The following ACTN2 variants were observed in gnomAD, a reference collection of about 807,000 sequenced individuals.
ACTN2 encodes alpha-actinin-2.
Under a neutral mutation model 113.8 loss-of-function variants are expected in ACTN2, and 39 were observed. The ratio of observed to expected loss-of-function variants is 0.34; its 90% CI spans 0.27 to 0.45. The LOEUF is 0.45. Ranked by LOEUF, ACTN2 falls within the 20% of genes least tolerant of loss-of-function variation. The probability of loss-of-function intolerance (pLI) is 1.00; values close to 1 mark genes in which losing one functional copy is unlikely to be tolerated. For missense variants in ACTN2, 992 were observed against 1,177.9 expected (o/e 0.84, Z 2.31); for synonymous variants, 429 against 444.1 (o/e 0.97, Z 0.43).
In ACTN2 at chr1:236,762,573, A is replaced by C. The variant is rs143957325; in HGVS notation, c.2639A>C (p.Asp880Ala). The change falls in exon 21 of 21, where the codon GAT becomes GCT. Residue 880 changes from aspartate (D) to alanine (A), a missense_variant. Physicochemically the swap from Asp to Ala is moderately radical, Grantham distance 126. Coordinates refer to ENST00000366578, the MANE Select transcript of ACTN2 (RefSeq NM_001103.4). ...SGPGSVPGAL[D>A]YAAFSSALYG... ...CCAGGCAGTGTGCCTGGTGCACTGGATTACGCTGCGTTCTCTTCCGCACTC... is the reference window on the plus strand; with the variant it reads ...CCAGGCAGTGTGCCTGGTGCACTGGCTTACGCTGCGTTCTCTTCCGCACTC... The C allele has an allele frequency of 1.2e-6, 2 of 1,614,152 alleles. No homozygotes were observed. The highest frequency in any genetic ancestry group is 1.7e-6 in the Non-Finnish European group (2 of 1,180,032).
At chr1:236,726,136 G>A (rs1572120351) in intron 5 of ACTN2, 116 bp downstream of exon 5, 7 of 903,350 alleles carry the variant, frequency 7.7e-6, no homozygotes, top group East Asian at 2.4e-5. Flanking sequence ...TTTATGTATC[G>A]AGGAGAACTC....
At chr1:236,738,590 G>A (rs938121265) in intron 9 of ACTN2, among the ~76,000 whole-genome samples, 1 of 152,108 alleles carries the variant, frequency 6.6e-6, no homozygotes, top group African/African-American at 2.4e-5. Context: ...TAGACTCTAG[G>A]TATATCACCA....
In ACTN2 at chr1:236,762,729, GA is replaced by G. The variant is rs370482371; in HGVS notation, c.*120del. The G allele has an allele frequency of 4.1e-3, 4,923 of 1,202,440 alleles. 4 individuals carry two copies. The highest frequency in any genetic ancestry group is 6.9e-3 in the Middle Eastern group (25 of 3,610). 74.5% of individuals were successfully genotyped at this position (1,202,440 alleles called of 1,614,324 possible). A position where few individuals can be genotyped will look rare whatever the true frequency, so the allele number is the denominator to read the frequency against. ...TTATTAAGTTGAGAGAGAGAGAGGG[GA>G]AAAAAAAAAGCCTTTCGTAGTTCAG... is the stretch of plus-strand genomic sequence containing the variant. On this transcript the variant is annotated 3_prime_UTR_variant, in exon 21 of 21. Coordinates refer to ENST00000366578, the MANE Select transcript of ACTN2 (RefSeq NM_001103.4).
chr1:236,727,714 C>T lies in ACTN2; in HGVS notation c.573C>T (p.His191=). 1.2e-6 allele frequency: 2 copies of T among 1,614,198 alleles called. No homozygotes were observed. The highest frequency in any genetic ancestry group is 1.7e-6 in the Non-Finnish European group (2 of 1,180,034). ...GCCTTGGACTCTGTGCCCTCATCCA[C>T]CGACACCGGCCTGACCTCATTGACT... ...KDGLGLCALI[H]RHRPDLIDYS... Residue 191 remains histidine, a synonymous_variant, in exon 6 of 21, where the codon CAC becomes CAT. Coordinates refer to ENST00000366578, the MANE Select transcript of ACTN2 (RefSeq NM_001103.4).
intron 1 of ACTN2, among the ~76,000 whole-genome samples, chr1:236,715,263 C>T (rs912383734): frequency 3.5e-4 from 53 of 150,076 alleles, no homozygotes; most frequent in Non-Finnish European, 7.2e-4. Context: ...CCTATTAACT[C>T]GTCATTTAAC....
At chr1:236,704,218 A>G (rs1324402974) in intron 1 of ACTN2, among the ~76,000 whole-genome samples, 3 of 152,216 alleles carry the variant, frequency 2.0e-5, no homozygotes, top group African/African-American at 7.2e-5. Context: ...ATTCCTGTGT[A>G]TTAATCACTC....
chr1:236,752,580 C>G (rs557734909), intron 15 of ACTN2, among the ~76,000 whole-genome samples: 1 of 152,220 alleles, frequency 6.6e-6, no homozygotes, highest in Non-Finnish European at 1.5e-5. Flanking sequence ...GAGACAGAGT[C>G]TCACTCTGTT....
intron 15 of ACTN2, among the ~76,000 whole-genome samples, chr1:236,752,876 G>T (rs1456067609): frequency 2.0e-5 from 3 of 152,298 alleles, no homozygotes; most frequent in Admixed American, 1.3e-4. Context: ...TTTTTAAAGT[G>T]AGACAAACTT....
chr1:236,693,958 G>T (rs1657381595), intron 1 of ACTN2, among the ~76,000 whole-genome samples: 1 of 152,106 alleles, frequency 6.6e-6, no homozygotes, highest in African/African-American at 2.4e-5. Flanking sequence ...CCTGCTGCAG[G>T]TTTTTAAAGA....
chr1:236,701,750 T>G (rs1248512923), intron 1 of ACTN2, among the ~76,000 whole-genome samples: 1 of 152,236 alleles, frequency 6.6e-6, no homozygotes, highest in Admixed American at 6.5e-5. Flanking sequence ...TTTGCTCTTT[T>G]GACAGTATGT....
chr1:236,701,509 G>A (rs1034379301), intron 1 of ACTN2, among the ~76,000 whole-genome samples: 15 of 152,212 alleles, frequency 9.9e-5, no homozygotes, highest in African/African-American at 3.4e-4. Context: ...CAGCCCGGCT[G>A]AGTCCTCCTG....
At chr1:236,752,358 A>T (rs1659420126) in intron 15 of ACTN2, among the ~76,000 whole-genome samples, 5 of 152,136 alleles carry the variant, frequency 3.3e-5, no homozygotes, top group Admixed American at 2.6e-4. Context: ...AGCGCAAAAG[A>T]CAAAAACAGG....
intron 1 of ACTN2, among the ~76,000 whole-genome samples, chr1:236,703,268 A>G (rs1040624350): frequency 2.0e-5 from 3 of 152,128 alleles, no homozygotes; most frequent in Admixed American, 1.3e-4. Context: ...CTTACCAGAA[A>G]GTCCTCAAAG....
In ACTN2 at chr1:236,730,179, G is replaced by T. The variant is rs1232453490; in HGVS notation, c.616-1054G>T. On this transcript the variant is annotated intron_variant, in intron 6 of 20. Coordinates refer to ENST00000366578, the MANE Select transcript of ACTN2 (RefSeq NM_001103.4). ...GAGGTAGGAAATCAATACTTAATTG[G>T]CACATTTTATCATTTAAATTACACT... 2.6e-5 allele frequency among the ~76,000 whole-genome samples: 4 copies of T among 152,262 alleles called. No individual in the cohort carries two copies. In the East Asian group the frequency reaches 7.7e-4, roughly 29 times the overall value.
intron 1 of ACTN2, among the ~76,000 whole-genome samples, chr1:236,697,476 A>C (rs150309089): frequency 3.3e-5 from 5 of 152,324 alleles, no homozygotes; most frequent in Non-Finnish European, 7.3e-5. Context: ...CCCAGAAGGC[A>C]CTAAAGTGAG....
At chr1:236,736,662 T>A (rs1393329628) in intron 8 of ACTN2, 1 of 1,521,990 alleles carries the variant, frequency 6.6e-7, no homozygotes, top group African/African-American at 1.4e-5. Flanking sequence ...TGAATTCAAG[T>A]GCAATGGTAT....
At chr1:236,698,397 G>A (rs1358983158) in intron 1 of ACTN2, among the ~76,000 whole-genome samples, 2 of 152,076 alleles carry the variant, frequency 1.3e-5, no homozygotes, top group East Asian at 1.9e-4. Context: ...CATGAAAATC[G>A]TAAAAGCCAT....
At chr1:236,737,621 C>T (rs1405720844) in intron 9 of ACTN2, among the ~76,000 whole-genome samples, 2 of 151,558 alleles carry the variant, frequency 1.3e-5, no homozygotes, top group Non-Finnish European at 2.9e-5. Context: ...CCTCACTCCA[C>T]ATAGGGACCC....
intron 1 of ACTN2, among the ~76,000 whole-genome samples, chr1:236,696,109 C>A (rs1262050332): frequency 6.6e-6 from 1 of 151,890 alleles, no homozygotes; most frequent in Non-Finnish European, 1.5e-5. Flanking sequence ...GAGTTCGAGA[C>A]CAGCCTGGCC....
Sources: allele counts gnomAD v4.1 joint callset (sites outside exome capture counted in the v4.1 genomes callset), GRCh38; gene constraint gnomAD v4.1.1; transcripts MANE v1.5; gene names NCBI Gene and HGNC (gene_info 2026-07-23, HGNC 2026-07-21).